The following DOCK3 variants were observed in gnomAD, a reference collection of about 807,000 sequenced individuals.
DOCK3 encodes the protein dedicator of cytokinesis 3.
In DOCK3, 60 loss-of-function variants were observed where a neutral mutation model predicts 265.6. The ratio of observed to expected loss-of-function variants is 0.23; its 90% CI spans 0.18 to 0.28. DOCK3 has a LOEUF of 0.28. Ranked by LOEUF, DOCK3 falls within the 10% of genes least tolerant of loss-of-function variation. DOCK3 has a pLI of 1.00. For missense variants in DOCK3, 1,981 were observed against 2,594.3 expected, an observed-to-expected ratio of 0.76 and a Z score of 5.14; for synonymous variants, 881 against 938.0, an observed-to-expected ratio of 0.94 and a Z score of 1.11.
intron 4 of DOCK3, among the ~76,000 whole-genome samples, chr3:50,908,087 T>C (rs578161273): frequency 1.3e-5 from 2 of 152,120 alleles, no homozygotes; most frequent in East Asian, 3.9e-4. Context: ...CATTAATAAT[T>C]GTGTCTATTT....
intron 8 of DOCK3, among the ~76,000 whole-genome samples, chr3:51,089,645 A>G (rs1357008274): frequency 1.3e-5 from 2 of 152,150 alleles, no homozygotes; most frequent in Non-Finnish European, 1.5e-5. Flanking sequence ...GTGGTGGCTC[A>G]TGCCTGTAAT....
chr3:51,102,050 G>T (rs1047373053), intron 9 of DOCK3, among the ~76,000 whole-genome samples: 1 of 152,220 alleles, frequency 6.6e-6, no homozygotes, highest in Non-Finnish European at 1.5e-5. Flanking sequence ...TTTAGCTGGG[G>T]AAATTTTAAC....
At chr3:51,012,935 G>T (rs551281436) in intron 5 of DOCK3, among the ~76,000 whole-genome samples, 1 of 151,846 alleles carries the variant, frequency 6.6e-6, no homozygotes, top group African/African-American at 2.4e-5. Flanking sequence ...CTACTTGATC[G>T]AATCAGCTAC....
intron 5 of DOCK3, among the ~76,000 whole-genome samples, chr3:51,062,747 A>G (rs943051860): frequency 2.0e-5 from 3 of 152,246 alleles, no homozygotes; most frequent in Admixed American, 6.5e-5. Context: ...GGACTATCAT[A>G]TAGGCTTTGA....
intron 13 of DOCK3, among the ~76,000 whole-genome samples, chr3:51,212,377 A>T (rs2089558488): frequency 6.6e-6 from 1 of 151,740 alleles, no homozygotes; most frequent in South Asian, 2.1e-4. Flanking sequence ...GACAAAAGGC[A>T]GTCAGTGAGT....
chr3:51,312,479 T>A lies in DOCK3; in HGVS notation c.3097T>A (p.Trp1033Arg), dbSNP rs2083131823. The A allele has an allele frequency of 6.2e-7, 1 of 1,612,914 alleles. No homozygotes were observed. Among genetic ancestry groups the A allele is most frequent in the African/African-American group, 1.3e-5 (1 of 74,886 alleles). The change falls in exon 30 of 53, where the codon TGG (tryptophan) becomes AGG (arginine). Residue 1033 changes from tryptophan to arginine, a missense_variant. Physicochemically the swap from Trp to Arg is moderately radical, Grantham distance 101. Around this residue, in one of 4 missense-constraint regions of DOCK3, gnomAD observed 1,357 missense variants for 1,866.8 expected, o/e 0.73. Transcript: ENST00000266037. ...TTCTCTTTCTCTGTCTGTCTAGGTG[T>A]GGAATTCTTACTTTAGCCTGGCAGT... is the stretch of plus-strand genomic sequence containing the variant. ...FTETDFDFKVWNSYFSLAVLF... is the reference protein window; with the variant it reads ...FTETDFDFKVRNSYFSLAVLF...
In DOCK3 at chr3:51,381,407, C is replaced by T. The variant is rs1553618635; in HGVS notation, c.5941C>T (p.Arg1981Cys). The change falls in exon 53 of 53, where the codon CGC becomes TGC. Residue 1981 changes from arginine to cysteine, a missense_variant. Arg to Cys is a radical substitution (Grantham distance 180). Coordinates refer to ENST00000266037, the MANE Select transcript of DOCK3 (RefSeq NM_004947.5). This position sits in a 1 kb window ranked among gnomAD's most constrained non-coding sequence, Gnocchi z 5.6. ...PALPPKPYHP[R>C]LPALEHDEGV... ...GCTGCCGCCCAAGCCCTACCACCCC[C>T]GCCTGCCGGCCCTGGAGCACGATGA... 9 of 1,612,398 alleles carry T rather than the reference C, an allele frequency of 5.6e-6. 1 individual carries two copies. The highest frequency in any genetic ancestry group is 2.2e-5 in the South Asian group (2 of 91,020).
At chr3:50,869,298 T>C (rs1160301578) in intron 3 of DOCK3, among the ~76,000 whole-genome samples, 1 of 149,634 alleles carries the variant, frequency 6.7e-6, no homozygotes, top group East Asian at 2.0e-4. Context: ...TTTCATTTTT[T>C]AAAATTGTTT....
intron 7 of DOCK3, among the ~76,000 whole-genome samples, chr3:51,081,516 T>A (rs2082236011): frequency 6.6e-6 from 1 of 152,224 alleles, no homozygotes; most frequent in South Asian, 2.1e-4. Flanking sequence ...TGAGTCAGTC[T>A]GCTCAAACTC....
intron 51 of DOCK3, among the ~76,000 whole-genome samples, chr3:51,376,202 C>T (rs2088113311): frequency 6.6e-6 from 1 of 152,184 alleles, no homozygotes; most frequent in African/African-American, 2.4e-5. Flanking sequence ...TCCCTCTCAG[C>T]TTGGGCCCTC....
chr3:51,143,439 T>C (rs932800986), intron 9 of DOCK3, among the ~76,000 whole-genome samples: 3 of 151,600 alleles, frequency 2.0e-5, no homozygotes, highest in Non-Finnish European at 4.4e-5. Context: ...CTGGCTAATT[T>C]TTGTATTTTT....
At chr3:51,248,474 C>T (rs1271949271) in intron 22 of DOCK3, among the ~76,000 whole-genome samples, 2 of 152,232 alleles carry the variant, frequency 1.3e-5, no homozygotes, top group African/African-American at 2.4e-5. Flanking sequence ...GGATTGCAGA[C>T]GGAGTGTGGT....
intron 2 of DOCK3, among the ~76,000 whole-genome samples, chr3:50,837,881 A>C (rs2045600829): frequency 6.6e-6 from 1 of 152,124 alleles, no homozygotes; most frequent in Admixed American, 6.6e-5. Context: ...CAGAGAGACT[A>C]TTATGGCTGC....
chr3:50,821,517 G>A (rs1198938199), intron 2 of DOCK3, among the ~76,000 whole-genome samples: 1 of 152,082 alleles, frequency 6.6e-6, no homozygotes, highest in African/African-American at 2.4e-5. Context: ...AGCCAGGATG[G>A]TCTCGATCTC....
chr3:50,933,039 C>A (rs2051156491), intron 4 of DOCK3, among the ~76,000 whole-genome samples: 1 of 152,158 alleles, frequency 6.6e-6, no homozygotes, highest in Admixed American at 6.5e-5. Flanking sequence ...AGAGCATGTG[C>A]TGGGGAACTC....
chr3:50,786,613 C>A, intron 2 of DOCK3: 1 of 569,634 alleles, frequency 1.8e-6, no homozygotes, highest in South Asian at 1.7e-5. Flanking sequence ...AGAAAGTTGT[C>A]CGCACTCTGG....
intron 1 of DOCK3, among the ~76,000 whole-genome samples, chr3:50,692,783 G>T (rs2035339649): frequency 6.6e-6 from 1 of 152,032 alleles, no homozygotes; most frequent in African/African-American, 2.4e-5. Context: ...TGTGTCTTTG[G>T]TGACATATCT....
At chr3:51,218,920 C>T (rs1045296201) in intron 14 of DOCK3, among the ~76,000 whole-genome samples, 3 of 152,168 alleles carry the variant, frequency 2.0e-5, no homozygotes, top group African/African-American at 7.2e-5. Flanking sequence ...CACAAGCTCT[C>T]AAGTGATGGT....
At chr3:50,719,509 G>T (rs1226730597) in intron 1 of DOCK3, 3 of 939,034 alleles carry the variant, frequency 3.2e-6, no homozygotes, top group Non-Finnish European at 5.0e-6. Context: ...CGGCAATGGT[G>T]ATCTTCTCAC....
Sources: allele counts gnomAD v4.1 joint callset (sites outside exome capture counted in the v4.1 genomes callset), GRCh38; gene constraint gnomAD v4.1.1; regional missense constraint gnomAD v4.1.1; non-coding constraint Gnocchi (gnomAD v3.1); transcripts MANE v1.5; gene names NCBI Gene and HGNC (gene_info 2026-07-23, HGNC 2026-07-21).